NCAM2: variants seen among roughly 807,000 people sequenced by gnomAD.
NCAM2 encodes neural cell adhesion molecule 2.
NCAM2 carries 30 observed loss-of-function variants against 98.1 expected under a neutral mutation model. The observed-to-expected ratio is 0.31, with a 90% CI of 0.23 to 0.41. The LOEUF is 0.41. Among genes scored for constraint, NCAM2 ranks in the 10% least tolerant of loss-of-function variants. The pLI, the probability that NCAM2 is intolerant of heterozygous loss-of-function variation, is 1.00. For missense variants in NCAM2, 867 were observed against 1,005.8 expected (o/e 0.86, Z 1.87); for synonymous variants, 368 against 342.4 (o/e 1.07, Z -0.83).
chr21:21,290,818 G>A (rs1005761604), intron 4 of NCAM2, among the ~76,000 whole-genome samples: 1 of 151,652 alleles, frequency 6.6e-6, no homozygotes, highest in African/African-American at 2.4e-5. Context: ...ATTAAGGAAC[G>A]GCTATGACAA....
intron 1 of NCAM2, among the ~76,000 whole-genome samples, chr21:21,144,598 ATGTC>A (rs1812266682): frequency 9.4e-6 from 1 of 106,612 alleles, no homozygotes; most frequent in Non-Finnish European, 2.0e-5. Flanking sequence ...TTCAATCGAA[ATGTC>A]TGTCTTTTTT....
chr21:21,170,632 C>T (rs1286302963), intron 1 of NCAM2, among the ~76,000 whole-genome samples: 1 of 152,062 alleles, frequency 6.6e-6, no homozygotes, highest in Non-Finnish European at 1.5e-5. Context: ...TTTGATACTT[C>T]AGAGGCTATT....
intron 1 of NCAM2, among the ~76,000 whole-genome samples, chr21:21,138,095 C>A (rs1382350955): frequency 6.6e-6 from 1 of 152,158 alleles, no homozygotes; most frequent in Non-Finnish European, 1.5e-5. Context: ...TATTTCCAAG[C>A]TCTGATCAGG....
intron 1 of NCAM2, among the ~76,000 whole-genome samples, chr21:21,279,906 A>G (rs1376346342): frequency 6.6e-6 from 1 of 152,252 alleles, no homozygotes; most frequent in Admixed American, 6.5e-5. Context: ...CCATATTGTT[A>G]GAAATATGTC....
At chr21:21,072,168 T>C (rs1324659930) in intron 1 of NCAM2, among the ~76,000 whole-genome samples, 1 of 152,124 alleles carries the variant, frequency 6.6e-6, no homozygotes, top group Non-Finnish European at 1.5e-5. Context: ...CGTTTCGGCC[T>C]CCCAAAGTGC....
At chr21:21,512,945 C>T (rs939813271) in intron 16 of NCAM2, among the ~76,000 whole-genome samples, 1 of 151,992 alleles carries the variant, frequency 6.6e-6, no homozygotes, top group Admixed American at 6.6e-5. Flanking sequence ...TATCCTGAAA[C>T]ATTACTGAAT....
chr21:21,486,112 G>A (rs890447302), intron 15 of NCAM2, among the ~76,000 whole-genome samples: 1 of 151,864 alleles, frequency 6.6e-6, no homozygotes, highest in Non-Finnish European at 1.5e-5. Flanking sequence ...GACCATCCCG[G>A]CTAACACGGT....
At chr21:21,509,474 AC>A (rs1988222085) in intron 16 of NCAM2, among the ~76,000 whole-genome samples, 2 of 152,176 alleles carry the variant, frequency 1.3e-5, no homozygotes, top group Non-Finnish European at 2.9e-5. Flanking sequence ...AATTGTGGCA[AC>A]TTCTACAAAC....
chr21:21,330,447 T>C (rs558418942), intron 6 of NCAM2, among the ~76,000 whole-genome samples: 27 of 152,226 alleles, frequency 1.8e-4, no homozygotes, highest in African/African-American at 6.3e-4. Context: ...TTCATAAATA[T>C]TACTGCTGTT....
At chr21:21,046,406 G>A (rs2065008344) in intron 1 of NCAM2, among the ~76,000 whole-genome samples, 2 of 152,076 alleles carry the variant, frequency 1.3e-5, no homozygotes, top group African/African-American at 2.4e-5. Flanking sequence ...TCAATGACCA[G>A]TACTAAATTT....
intron 1 of NCAM2, among the ~76,000 whole-genome samples, chr21:21,119,088 T>C (rs2066620641): frequency 6.6e-6 from 1 of 152,214 alleles, no homozygotes; most frequent in South Asian, 2.1e-4. Context: ...TTTCAGAAGT[T>C]CAACTGTCAT....
rs2077360629 is a variant in NCAM2 at position 21,432,154 on chromosome 21, G to C, written c.1527G>C (p.Gln509His). 1.2e-6 allele frequency: 2 copies of C among 1,613,966 alleles called. No individual in the cohort carries two copies. Among genetic ancestry groups the C allele is most frequent in the Non-Finnish European group, 1.7e-6 (2 of 1,179,982 alleles). ...GAGTGAAGATCATAGAGCTGTCGCAGACCACGGCCAAGGTTTCCTTCAACA... is the reference window on the plus strand; with the variant it reads ...GAGTGAAGATCATAGAGCTGTCGCACACCACGGCCAAGGTTTCCTTCAACA... ...PYGVKIIELS[Q>H]TTAKVSFNKP... Residue 509 changes from glutamine to histidine, a missense_variant, in exon 12 of 18, where the codon CAG becomes CAC. Physicochemically the swap from Gln to His is conservative, Grantham distance 24. Coordinates refer to ENST00000400546, the MANE Select transcript of NCAM2 (RefSeq NM_004540.5).
At chr21:21,000,506 T>C (rs533310484) in intron 1 of NCAM2, among the ~76,000 whole-genome samples, 3 of 152,104 alleles carry the variant, frequency 2.0e-5, no homozygotes, top group Non-Finnish European at 4.4e-5. Flanking sequence ...GATGTGTACA[T>C]GTAACATAGA....
intron 1 of NCAM2, among the ~76,000 whole-genome samples, chr21:21,053,364 A>C (rs73218289): frequency 6.6e-6 from 1 of 151,882 alleles, no homozygotes; most frequent in African/African-American, 2.4e-5. Flanking sequence ...GTTATTCCTT[A>C]CTTGTGTATA....
chr21:21,143,721 T>C (rs1473063581), intron 1 of NCAM2, among the ~76,000 whole-genome samples: 1 of 151,940 alleles, frequency 6.6e-6, no homozygotes, highest in Non-Finnish European at 1.5e-5. Flanking sequence ...TTCCATCTCT[T>C]CATGCACCAA....
intron 1 of NCAM2, among the ~76,000 whole-genome samples, chr21:21,231,430 A>T (rs2070621145): frequency 1.3e-5 from 2 of 151,434 alleles, no homozygotes; most frequent in South Asian, 2.1e-4. Context: ...AAAGAAACAG[A>T]ATATAAAATT....
At chr21:21,343,121 T>C (rs1208940227) in intron 8 of NCAM2, among the ~76,000 whole-genome samples, 3 of 152,212 alleles carry the variant, frequency 2.0e-5, no homozygotes, top group African/African-American at 7.2e-5. Flanking sequence ...TATTACTTAT[T>C]TTAAACTAAT....
chr21:21,005,473 A>G (rs2064094513), intron 1 of NCAM2, among the ~76,000 whole-genome samples: 1 of 152,202 alleles, frequency 6.6e-6, no homozygotes, highest in Non-Finnish European at 1.5e-5. Flanking sequence ...TTTTAAAATT[A>G]TATATCAAGT....
In NCAM2 at chr21:21,418,561, C is replaced by T. The variant is rs779585779; in HGVS notation, c.1472C>T (p.Ala491Val). Residue 491 changes from alanine (A) to valine (V), a missense_variant, in exon 11 of 18, where the codon GCT becomes GTT. By Grantham distance (64) the Ala-to-Val change is moderately conservative. Around this residue, in one of 5 missense-constraint regions of NCAM2, gnomAD observed 234 missense variants for 333.8 expected, o/e 0.70. Transcript: ENST00000400546. ...ACAAGATTTCAAGAATATATTCTTG[C>T]TTTGGCTGGTAAGTATAGCACAATA... is the stretch of plus-strand genomic sequence containing the variant. The part of the protein sequence containing the change: ...IGTRFQEYIL[A>V]LADVPSSPYG... 11 of 1,599,540 alleles carry T rather than the reference C, an allele frequency of 6.9e-6. No homozygotes were observed. In the Admixed American group the frequency reaches 8.3e-5, roughly 12 times the overall value.
Sources: gnomAD v4.1 joint callset for allele counts (sites outside exome capture counted in the v4.1 genomes callset) on GRCh38, gnomAD v4.1.1 for gene constraint, gnomAD v4.1.1 regional missense constraint, MANE v1.5 for transcripts, NCBI Gene and HGNC (gene_info 2026-07-23, HGNC 2026-07-21) for gene names.